The following SALL3 variants were observed in gnomAD, a reference collection of about 807,000 sequenced individuals.
SALL3 encodes spalt like transcription factor 3.
A neutral mutation model predicts 66.2 loss-of-function variants in SALL3; 25 were observed. The ratio of observed to expected loss-of-function variants is 0.38; its 90% CI spans 0.28 to 0.53. The LOEUF (loss-of-function observed/expected upper bound fraction) is 0.53, where lower values mean the gene tolerates loss of function less well. SALL3 is among the 20% of genes least tolerant of loss of function. The probability of loss-of-function intolerance (pLI) is 0.85; values close to 1 mark genes in which losing one functional copy is unlikely to be tolerated. For synonymous variants in SALL3, 1,152 were observed against 899.1 expected (o/e 1.28, Z -5.03); for missense variants, 2,194 against 1,916.5 (o/e 1.14, Z -2.70).
At chr18:78,989,681 A>G (rs1914360866) in intron 1 of SALL3, among the ~76,000 whole-genome samples, 1 of 152,240 alleles carries the variant, frequency 6.6e-6, no homozygotes, top group Admixed American at 6.5e-5. Flanking sequence ...TATACATTTT[A>G]TCTCCTGTAA....
At chr18:78,990,148 G>T (rs1281403640) in intron 1 of SALL3, among the ~76,000 whole-genome samples, 2 of 152,180 alleles carry the variant, frequency 1.3e-5, no homozygotes, top group Non-Finnish European at 2.9e-5. Flanking sequence ...TGAGTACTTG[G>T]AGTATTTATT....
At chr18:78,996,354 C>T (rs1166397370) in intron 2 of SALL3, among the ~76,000 whole-genome samples, 2 of 152,248 alleles carry the variant, frequency 1.3e-5, no homozygotes, top group East Asian at 3.9e-4. Flanking sequence ...GCCCAAAGAT[C>T]GATGCCTGTG....
rs1426206393 is a variant in SALL3, at chr18:78,979,951, C to A, written c.-324C>A. 6.9e-6 allele frequency among the ~76,000 whole-genome samples: 1 copy of A among 144,694 alleles called. No individual in the cohort carries two copies. The highest frequency in any genetic ancestry group is 2.0e-4 in the East Asian group (1 of 4,900). The allele number at this position is 144,694 out of a possible 152,430, so 94.9% of individuals were successfully genotyped here. A position where few individuals can be genotyped will look rare whatever the true frequency, so the allele number is the denominator to read the frequency against. ...CGGCCGAGGAGCGCGGCGCCGGAGC[C>A]CGCGATGTGAGGCGGCGCCGGGCAG... On this transcript the variant is annotated 5_prime_UTR_variant, in exon 1 of 3. Transcript: ENST00000537592.
chr18:78,994,857 A>G lies in SALL3; in HGVS notation c.2866A>G (p.Ile956Val), dbSNP rs1914627965. ...CGGAGGCGCCCCTGGCCGCGCGGGCATCAAGGAGGAGGCGCCCTTCAGCCT... is the reference window on the plus strand; with the variant it reads ...CGGAGGCGCCCCTGGCCGCGCGGGCGTCAAGGAGGAGGCGCCCTTCAGCCT... Reference protein sequence around the residue: ...GSGGAPGRAGIKEEAPFSLLF... With the variant: ...GSGGAPGRAGVKEEAPFSLLF... Residue 956 changes from isoleucine to valine, a missense_variant, in exon 2 of 3, where the codon ATC (isoleucine) becomes GTC (valine). Transcript: ENST00000537592. 5.6e-6 allele frequency: 9 copies of G among 1,604,230 alleles called. No individual in the cohort carries two copies. Among genetic ancestry groups the G allele is most frequent in the Non-Finnish European group, 7.7e-6 (9 of 1,175,572 alleles).
chr18:78,994,725 G>A lies in SALL3; in HGVS notation c.2734G>A (p.Gly912Ser). 1.2e-6 allele frequency: 2 copies of A among 1,603,694 alleles called. No homozygotes were observed. Among genetic ancestry groups the A allele is most frequent in the African/African-American group, 1.3e-5 (1 of 74,988 alleles). ...SQALSPAPSN[G>S]ESFRSKSPGL... is the part of the protein sequence containing the mutation. ...GGCCCTGTCGCCGGCCCCCAGCAATGGTGAGAGCTTCCGCTCCAAGTCCCC... is the reference window on the plus strand; with the variant it reads ...GGCCCTGTCGCCGGCCCCCAGCAATAGTGAGAGCTTCCGCTCCAAGTCCCC... The change falls in exon 2 of 3, where the codon GGT (glycine) becomes AGT (serine). Residue 912 changes from glycine to serine, a missense_variant. Gly to Ser is a moderately conservative substitution (Grantham distance 56). Coordinates refer to ENST00000537592, the MANE Select transcript of SALL3 (RefSeq NM_171999.4).
Position 78,992,871 on chromosome 18 carries a change from C to T in SALL3, c.880C>T (p.Arg294Trp), listed in dbSNP as rs941690880. The T allele has an allele frequency of 7.0e-5, 69 of 985,790 alleles. No homozygotes were observed. The highest frequency in any genetic ancestry group is 8.1e-5 in the Non-Finnish European group (67 of 831,854). 61.1% of individuals were successfully genotyped at this position (985,790 alleles called of 1,614,324 possible). A position where few individuals can be genotyped will look rare whatever the true frequency, so the allele number is the denominator to read the frequency against. The change falls in exon 2 of 3, where the codon CGG becomes TGG. Residue 294 changes from arginine to tryptophan, a missense_variant. Transcript: ENST00000537592. Reference sequence around the variant, plus strand: ...CTTCGAGGGCGCGCAGCCGCTGTCCCGGCCCGAGTCTGGCGCCAGCACCCC... The same window carrying T: ...CTTCGAGGGCGCGCAGCCGCTGTCCTGGCCCGAGTCTGGCGCCAGCACCCC... ...AAFEGAQPLS[R>W]PESGASTPGG... is the part of the protein sequence containing the mutation.
In SALL3 at chr18:78,995,570, C is replaced by T. The variant is rs996036296; in HGVS notation, c.3471+108C>T. The T allele has an allele frequency of 2.3e-5, 33 of 1,439,256 alleles. No individual in the cohort carries two copies. The Middle Eastern group carries it at 5.5e-4, about 24-fold the overall frequency. The allele number at this position is 1,439,256 out of a possible 1,614,324, so 89.2% of individuals were successfully genotyped here. On this transcript the variant is annotated intron_variant, in intron 2 of 2. Transcript: ENST00000537592. ...GGCCGAGGTCCTGCTCCTATCCTGGCCAGGGGGGTGAGATGCCACGCCTGT... is the reference window on the plus strand; with the variant it reads ...GGCCGAGGTCCTGCTCCTATCCTGGTCAGGGGGGTGAGATGCCACGCCTGT...
intron 2 of SALL3, among the ~76,000 whole-genome samples, chr18:78,996,289 T>C (rs765006945): frequency 2.6e-5 from 4 of 152,206 alleles, no homozygotes; most frequent in Non-Finnish European, 4.4e-5. Flanking sequence ...CTGTCGTCTG[T>C]GAAGTGCACG....
At position 78,992,157 on chromosome 18, in the gene SALL3, T is replaced by A; in HGVS notation, c.166T>A (p.Cys56Ser). 1 of 1,608,736 alleles carries A rather than the reference T, an allele frequency of 6.2e-7. No homozygotes were observed. Among genetic ancestry groups the A allele is most frequent in the Non-Finnish European group, 8.5e-7 (1 of 1,178,494 alleles). ...GGEETSVCEK[C>S]CAEFFKWADF... is the part of the protein sequence containing the mutation. ...CGAGGAGACCAGCGTGTGCGAGAAA[T>A]GCTGCGCCGAGTTCTTCAAGTGGGC... Residue 56 changes from cysteine to serine, a missense_variant, in exon 2 of 3, where the codon TGC (cysteine) becomes AGC (serine). Transcript: ENST00000537592.
Position 78,997,324 on chromosome 18 carries a change from C to T in SALL3, c.*2C>T. 1 of 1,610,618 alleles carries T rather than the reference C, an allele frequency of 6.2e-7. No individual in the cohort carries two copies. The highest frequency in any genetic ancestry group is 1.1e-5 in the South Asian group (1 of 90,660). On this transcript the variant is annotated 3_prime_UTR_variant, in exon 3 of 3. Transcript: ENST00000537592. Reference sequence around the variant, plus strand: ...AACAAGGAGATTGGTATCAACTAGCCAGTGACTCGCTCATCTGCCCTGCCC... The same window carrying T: ...AACAAGGAGATTGGTATCAACTAGCTAGTGACTCGCTCATCTGCCCTGCCC...
intron 1 of SALL3, among the ~76,000 whole-genome samples, chr18:78,981,280 C>T (rs1914060280): frequency 1.3e-5 from 2 of 152,122 alleles, no homozygotes; most frequent in African/African-American, 4.8e-5. Context: ...CGGGCTTCGG[C>T]GCGCCCCGCG....
Position 78,980,279 on chromosome 18 carries a change from C to T in SALL3, c.5C>T (p.Ser2Phe). The T allele has an allele frequency of 7.3e-7, 1 of 1,378,890 alleles. No individual in the cohort carries two copies. The highest frequency in any genetic ancestry group is 9.5e-7 in the Non-Finnish European group (1 of 1,054,184). 85.4% of individuals were successfully genotyped at this position (1,378,890 alleles called of 1,614,324 possible). Residue 2 changes from serine (S) to phenylalanine (F), a missense_variant, in exon 1 of 3, where the codon TCT (serine) becomes TTT (phenylalanine). Transcript: ENST00000537592. M[S>F]RRKQAKPQHL... is the part of the protein sequence containing the mutation. ...GGCCCGAGCGCCGCTAGCAGCATGTCTCGGCGCAAGCAGGCCAAGCCCCAG... is the reference window on the plus strand; with the variant it reads ...GGCCCGAGCGCCGCTAGCAGCATGTTTCGGCGCAAGCAGGCCAAGCCCCAG...
At chr18:78,984,642 CTA>C (rs1228764555) in intron 1 of SALL3, among the ~76,000 whole-genome samples, 1 of 151,700 alleles carries the variant, frequency 6.6e-6, no homozygotes, top group Admixed American at 6.6e-5. Context: ...AAAAACCTGT[CTA>C]GGGTTATTTC....
Position 78,992,834 on chromosome 18 carries a change from C to T in SALL3, c.843C>T (p.Ala281=). 2.0e-6 allele frequency: 2 copies of T among 980,144 alleles called. No individual in the cohort carries two copies. The highest frequency in any genetic ancestry group is 2.4e-6 in the Non-Finnish European group (2 of 828,154). The allele number at this position is 980,144 out of a possible 1,614,324, so 60.7% of individuals were successfully genotyped here. The change falls in exon 2 of 3, where the codon GCC becomes GCT. Residue 281 remains alanine (A), a synonymous_variant. Coordinates refer to ENST00000537592, the MANE Select transcript of SALL3 (RefSeq NM_171999.4). ...PAAAIAGSGP[A]APAAFEGAQP... ...CCGCCATCGCGGGCTCGGGCCCCGC[C>T]GCCCCGGCCGCCTTCGAGGGCGCGC...
chr18:78,986,347 A>G (rs903492663), intron 1 of SALL3, among the ~76,000 whole-genome samples: 21 of 152,172 alleles, frequency 1.4e-4, no homozygotes, highest in African/African-American at 4.3e-4. Context: ...CGCGTTGAGC[A>G]TGGCAAGAGT....
Position 78,998,617 on chromosome 18 carries a change from G to A in SALL3, c.*1295G>A, listed in dbSNP as rs753536931. ...CTGCAGGTCTGATTTTCATGTAAGC[G>A]GGTCTGTCTCTCTCTCTCACCCACA... is the stretch of plus-strand genomic sequence containing the variant. On this transcript the variant is annotated 3_prime_UTR_variant, in exon 3 of 3. Transcript: ENST00000537592. 3 of 152,224 alleles carry A rather than the reference G, an allele frequency of 2.0e-5. No individual in the cohort carries two copies. Among genetic ancestry groups the A allele is most frequent in the South Asian group, 2.1e-4 (1 of 4,832 alleles). The allele number at this position is 152,224 out of a possible 1,614,324, so 9.4% of individuals were successfully genotyped here. A position where few individuals can be genotyped will look rare whatever the true frequency, so the allele number is the denominator to read the frequency against.
chr18:78,981,398 G>C (rs541447184), intron 1 of SALL3, among the ~76,000 whole-genome samples: 1 of 152,224 alleles, frequency 6.6e-6, no homozygotes. Context: ...AAACAGGCAG[G>C]CCAACTTTTA....
intron 1 of SALL3, among the ~76,000 whole-genome samples, chr18:78,989,629 A>G (rs1262717881): frequency 1.3e-5 from 2 of 152,256 alleles, no homozygotes; most frequent in African/African-American, 2.4e-5. Context: ...GTAAAACTGT[A>G]ACTATATATA....
intron 2 of SALL3, among the ~76,000 whole-genome samples, chr18:78,996,608 G>C (rs909179315): frequency 2.6e-5 from 4 of 152,188 alleles, no homozygotes; most frequent in Non-Finnish European, 4.4e-5. Context: ...CATTCTCTGC[G>C]TGGCCATGTG....
Sources: allele counts gnomAD v4.1 joint callset (sites outside exome capture counted in the v4.1 genomes callset), GRCh38; gene constraint gnomAD v4.1.1; transcripts MANE v1.5; gene names NCBI Gene and HGNC (gene_info 2026-07-23, HGNC 2026-07-21).